AGMO: variants seen among roughly 807,000 people sequenced by gnomAD.
AGMO encodes glyceryl-ether monooxygenase.
A neutral mutation model predicts 60.2 loss-of-function variants in AGMO; 75 were observed. The observed-to-expected ratio is 1.25, with a 90% CI of 1.03 to 1.51. The LOEUF (loss-of-function observed/expected upper bound fraction) is 1.51. Among genes scored for constraint, AGMO ranks in the 40% most tolerant of loss-of-function variants. The probability of loss-of-function intolerance (pLI) is 0.00; values close to 1 mark genes in which losing one functional copy is unlikely to be tolerated. For synonymous variants in AGMO, 261 were observed against 177.1 expected (o/e 1.47, Z -3.76); for missense variants, 763 against 525.5 (o/e 1.45, Z -4.42).
chr7:15,195,298 C>A, the AGMO span, among the ~76,000 whole-genome samples: 96,648 of 151,998 alleles, frequency 0.64, 32,300 homozygotes, highest in African/African-American at 0.86. Flanking sequence ...TTAATAGGAG[C>A]AAGAAAGAGA....
chr7:15,304,379 T>G (rs1780550604), intron 12 of AGMO, among the ~76,000 whole-genome samples: 1 of 152,114 alleles, frequency 6.6e-6, no homozygotes, highest in Non-Finnish European at 1.5e-5. Flanking sequence ...AGGGAAGAAT[T>G]GGATTGAAAT....
At chr7:15,420,405 T>C (rs1415145831) in intron 4 of AGMO, among the ~76,000 whole-genome samples, 1 of 152,124 alleles carries the variant, frequency 6.6e-6, no homozygotes. Flanking sequence ...ATCAGTAATA[T>C]AATGAGGAAC....
chr7:15,447,029 G>T (rs1456210088), intron 3 of AGMO, among the ~76,000 whole-genome samples: 1 of 152,154 alleles, frequency 6.6e-6, no homozygotes, highest in Admixed American at 6.5e-5. Flanking sequence ...GGACACTGAG[G>T]CACCAAACGA....
intron 10 of AGMO, among the ~76,000 whole-genome samples, chr7:15,377,938 A>G (rs1160199772): frequency 6.6e-6 from 1 of 152,046 alleles, no homozygotes; most frequent in Non-Finnish European, 1.5e-5. Context: ...GTCCAAAAAG[A>G]AATTCTTGGT....
chr7:15,321,519 G>C (rs1781108226), intron 12 of AGMO, among the ~76,000 whole-genome samples: 1 of 152,076 alleles, frequency 6.6e-6, no homozygotes, highest in Non-Finnish European at 1.5e-5. Context: ...GAATGTTTTT[G>C]AGGGGAGTAG....
intron 12 of AGMO, among the ~76,000 whole-genome samples, chr7:15,252,858 G>A (rs1365881543): frequency 1.1e-4 from 17 of 152,168 alleles, no homozygotes; most frequent in Non-Finnish European, 8.8e-5. Flanking sequence ...GGGGCAGTAA[G>A]TTGAAAGAAA....
chr7:15,300,345 T>C (rs1784531515), intron 12 of AGMO, among the ~76,000 whole-genome samples: 1 of 152,190 alleles, frequency 6.6e-6, no homozygotes, highest in South Asian at 2.1e-4. Context: ...ATTGATGGTT[T>C]GGCAGCTTAA....
the AGMO span, among the ~76,000 whole-genome samples, chr7:15,155,838 G>A: frequency 2.0e-5 from 3 of 152,056 alleles, no homozygotes; most frequent in African/African-American, 4.8e-5. Context: ...TGCCCTTGAG[G>A]GTTTGAGTGT....
At position 15,239,268 on chromosome 7, in the gene AGMO, G is replaced by C. The variant is rs150339048; in HGVS notation, c.1264-37909C>G. Among the ~76,000 whole-genome samples, 497 of 152,182 alleles carry C rather than the reference G, an allele frequency of 3.3e-3. 3 individuals carry two copies. Among genetic ancestry groups the C allele is most frequent in the Non-Finnish European group, 4.6e-3 (314 of 67,984 alleles). On this transcript the variant is annotated intron_variant, in intron 12 of 12. Coordinates refer to ENST00000342526, the MANE Select transcript of AGMO (RefSeq NM_001004320.2). The stretch of plus-strand genomic sequence containing the variant: ...TAAACATCAAGATACAAACAGTATA[G>C]GATCCATAGGAACGTTTAGATAATG...
intron 12 of AGMO, among the ~76,000 whole-genome samples, chr7:15,273,082 G>T (rs1016857801): frequency 6.6e-6 from 1 of 152,138 alleles, no homozygotes; most frequent in African/African-American, 2.4e-5. Context: ...TAGGTTGCCT[G>T]CTCACTCTGA....
intron 12 of AGMO, among the ~76,000 whole-genome samples, chr7:15,245,093 T>A: frequency 6.6e-6 from 1 of 152,336 alleles, no homozygotes; most frequent in South Asian, 2.1e-4. Context: ...CTGTGGACTA[T>A]CAGGATAAGA....
the AGMO span, among the ~76,000 whole-genome samples, chr7:15,184,339 A>G: frequency 6.8e-5 from 6 of 87,770 alleles, no homozygotes; most frequent in Non-Finnish European, 1.1e-4. Flanking sequence ...GGAAGGAAGG[A>G]AGGAAAGAAG....
chr7:15,328,013 C>T (rs983884144), intron 12 of AGMO, among the ~76,000 whole-genome samples: 4 of 152,042 alleles, frequency 2.6e-5, no homozygotes, highest in Non-Finnish European at 5.9e-5. Flanking sequence ...TAGGCTCAAG[C>T]GATCTTCCCC....
chr7:15,415,203 C>T lies in AGMO; in HGVS notation c.609+3355G>A, dbSNP rs140961540. 9.4e-3 allele frequency among the ~76,000 whole-genome samples: 1,422 copies of T among 151,910 alleles called. 19 individuals are homozygous for T. Among genetic ancestry groups the T allele is most frequent in the African/African-American group, 0.033 (1,368 of 41,450 alleles). ...GTTCTGCCTCCCTGGTTCATGCCAT[C>T]CTCCTGCCTCAGCCTCACGAGTAGC... On this transcript the variant is annotated intron_variant, in intron 5 of 12. Coordinates refer to ENST00000342526, the MANE Select transcript of AGMO (RefSeq NM_001004320.2).
Position 15,375,757 on chromosome 7 carries a change from G to C in AGMO, c.1075-9535C>G, listed in dbSNP as rs1467037291. On this transcript the variant is annotated intron_variant, in intron 10 of 12. Transcript: ENST00000342526. Reference sequence around the variant, plus strand: ...TCCAAAGAACTGCGCATTTAGACTTGGGAGTTTCCAAAACAGAATTAAATT... The same window carrying C: ...TCCAAAGAACTGCGCATTTAGACTTCGGAGTTTCCAAAACAGAATTAAATT... Among the ~76,000 whole-genome samples the C allele has an allele frequency of 3.9e-5, 6 of 151,970 alleles. No homozygotes were observed. In the South Asian group the frequency reaches 1.0e-3, roughly 26 times the overall value.
At chr7:15,159,339 C>A in the AGMO span, among the ~76,000 whole-genome samples, 1 of 152,088 alleles carries the variant, frequency 6.6e-6, no homozygotes, top group East Asian at 1.9e-4. Flanking sequence ...GGATAAAAAT[C>A]TTTAAGCTCT....
chr7:15,421,300 C>T (rs971620099), intron 4 of AGMO, among the ~76,000 whole-genome samples: 7 of 152,078 alleles, frequency 4.6e-5, no homozygotes, highest in Middle Eastern at 3.4e-3. Context: ...CCTTCATCAG[C>T]GAGTCTTCGG....
At chr7:15,295,465 T>C (rs1784383513) in intron 12 of AGMO, among the ~76,000 whole-genome samples, 1 of 151,970 alleles carries the variant, frequency 6.6e-6, no homozygotes, top group African/African-American at 2.4e-5. Context: ...ATAATTGCTA[T>C]GGAGAAAAAG....
At chr7:15,299,787 C>A (rs1377446537) in intron 12 of AGMO, among the ~76,000 whole-genome samples, 1 of 150,368 alleles carries the variant, frequency 6.7e-6, no homozygotes, top group Non-Finnish European at 1.5e-5. Flanking sequence ...AATATTGAGC[C>A]ACTGCACTCC....
Sources: gnomAD v4.1 joint callset for allele counts (sites outside exome capture counted in the v4.1 genomes callset) on GRCh38, gnomAD v4.1.1 for gene constraint, MANE v1.5 for transcripts, NCBI Gene and HGNC (gene_info 2026-07-23, HGNC 2026-07-21) for gene names.